Variants in ACVR1 observed in about 807,000 individuals in gnomAD.
ACVR1 encodes the protein activin receptor type-1.
In ACVR1, 38 loss-of-function variants were observed where a neutral mutation model predicts 57.1. That is an observed-to-expected ratio of 0.67 (90% CI 0.51 to 0.87). The LOEUF is 0.87. Among genes scored for constraint, ACVR1 ranks in the 40% least tolerant of loss-of-function variants. The pLI, the probability that ACVR1 is intolerant of heterozygous loss-of-function variation, is 0.00. For synonymous variants in ACVR1, 212 were observed against 228.1 expected, an observed-to-expected ratio of 0.93 and a Z score of 0.63; for missense variants, 463 against 638.2, an observed-to-expected ratio of 0.73 and a Z score of 2.96.
chr2:157,741,014 T>C (rs1684736457), intron 9 of ACVR1, among the ~76,000 whole-genome samples: 2 of 152,172 alleles, frequency 1.3e-5, no homozygotes, highest in Non-Finnish European at 2.9e-5. Context: ...GATCAAGCAA[T>C]AAATCAGTTG....
chr2:157,850,188 G>C (rs1172063621), intron 1 of ACVR1, among the ~76,000 whole-genome samples: 1 of 152,100 alleles, frequency 6.6e-6, no homozygotes, highest in Admixed American at 6.6e-5. Flanking sequence ...TCTGGAGTTT[G>C]AGACTAGCCT....
chr2:157,796,371 G>C (rs1433378718), intron 3 of ACVR1, among the ~76,000 whole-genome samples: 1 of 151,880 alleles, frequency 6.6e-6, no homozygotes, highest in Non-Finnish European at 1.5e-5. Context: ...GGGCAACACG[G>C]CAAAACTCTG....
chr2:157,781,039 T>C lies in ACVR1; in HGVS notation c.68-439A>G, dbSNP rs532690729. ...CTCCTAAATATATGGCAGCTATTAA[T>C]ACTAATTTTTGCTAGCTCTGTACAA... is the stretch of plus-strand genomic sequence containing the variant. On this transcript the variant is annotated intron_variant, in intron 3 of 10. Transcript: ENST00000434821. Among the ~76,000 whole-genome samples the C allele has an allele frequency of 1.1e-4, 17 of 152,328 alleles. No homozygotes were observed. The South Asian group carries it at 3.5e-3, about 32-fold the overall frequency.
At chr2:157,829,331 C>T (rs777489396) in intron 1 of ACVR1, among the ~76,000 whole-genome samples, 1 of 152,212 alleles carries the variant, frequency 6.6e-6, no homozygotes, top group Non-Finnish European at 1.5e-5. Flanking sequence ...AAGCCAGAAA[C>T]CAAGTTTGCC....
At chr2:157,799,939 A>G (rs1687263450) in intron 2 of ACVR1, among the ~76,000 whole-genome samples, 1 of 152,208 alleles carries the variant, frequency 6.6e-6, no homozygotes, top group South Asian at 2.1e-4. Context: ...TTCAAGCCAA[A>G]TTACTATGTT....
chr2:157,746,954 C>T (rs973579528), intron 9 of ACVR1, among the ~76,000 whole-genome samples: 1 of 152,008 alleles, frequency 6.6e-6, no homozygotes, highest in Non-Finnish European at 1.5e-5. Flanking sequence ...TTATTAGTAG[C>T]AAATAAATGT....
intron 9 of ACVR1, among the ~76,000 whole-genome samples, chr2:157,743,275 C>G (rs1684846954): frequency 1.3e-5 from 2 of 152,284 alleles, no homozygotes; most frequent in Non-Finnish European, 1.5e-5. Context: ...CTGTCCCATC[C>G]TGCTACCACA....
intron 3 of ACVR1, among the ~76,000 whole-genome samples, chr2:157,798,727 C>T (rs1312267773): frequency 4.6e-5 from 7 of 151,920 alleles, no homozygotes; most frequent in Non-Finnish European, 1.5e-5. Context: ...GGGGTTTCAC[C>T]ATGTTGGCCA....
chr2:157,771,284 A>C (rs1686061242), intron 6 of ACVR1, among the ~76,000 whole-genome samples: 1 of 152,242 alleles, frequency 6.6e-6, no homozygotes, highest in Admixed American at 6.5e-5. Context: ...TGAAAAGGCT[A>C]CTTGGAGAAT....
intron 1 of ACVR1, among the ~76,000 whole-genome samples, chr2:157,870,372 A>G (rs1690078332): frequency 6.6e-6 from 1 of 152,210 alleles, no homozygotes; most frequent in Admixed American, 6.5e-5. Flanking sequence ...TTAATAGCCA[A>G]TCTTGGCTTT....
At chr2:157,808,662 A>G (rs1295081309) in intron 2 of ACVR1, among the ~76,000 whole-genome samples, 1 of 152,152 alleles carries the variant, frequency 6.6e-6, no homozygotes, top group East Asian at 1.9e-4. Context: ...GACCTCTGAG[A>G]CAGCGTCTGT....
chr2:157,813,423 T>A (rs1574097465), intron 2 of ACVR1, among the ~76,000 whole-genome samples: 1 of 152,234 alleles, frequency 6.6e-6, no homozygotes, highest in East Asian at 1.9e-4. Context: ...CTTTCCTTCT[T>A]CTTGGGTACA....
rs183582057 is a variant in ACVR1 at position 157,865,923 on chromosome 2, G to A, written c.-183+9873C>T. On this transcript the variant is annotated intron_variant, in intron 1 of 10. Transcript: ENST00000434821. Reference sequence around the variant, plus strand: ...ATTTCAAGACCCCCAGTGAATGCCCGAAACCTCAGGTAGTACTGAACTCTA... The same window carrying A: ...ATTTCAAGACCCCCAGTGAATGCCCAAAACCTCAGGTAGTACTGAACTCTA... 2.0e-4 allele frequency among the ~76,000 whole-genome samples: 31 copies of A among 152,102 alleles called. 1 individual carries two copies. Among genetic ancestry groups the A allele is most frequent in the Admixed American group, 8.5e-4 (13 of 15,278 alleles).
At chr2:157,824,289 G>A (rs891126454) in intron 1 of ACVR1, among the ~76,000 whole-genome samples, 6 of 152,018 alleles carry the variant, frequency 3.9e-5, no homozygotes, top group South Asian at 2.1e-4. Flanking sequence ...GGAATATGGC[G>A]AGACCCCATC....
At chr2:157,819,369 A>G (rs557656563) in intron 1 of ACVR1, 5 of 152,232 alleles carry the variant, frequency 3.3e-5, no homozygotes, top group African/African-American at 7.2e-5. Flanking sequence ...AATCCCAGCT[A>G]GTCGGGAGGC....
intron 1 of ACVR1, among the ~76,000 whole-genome samples, chr2:157,868,287 A>T (rs188286049): frequency 1.0e-3 from 157 of 152,050 alleles, no homozygotes; most frequent in African/African-American, 3.5e-3. Context: ...CTTCAAGACC[A>T]GCCTGGCCAA....
chr2:157,768,237 A>T (rs16842026), intron 7 of ACVR1, among the ~76,000 whole-genome samples: 2,684 of 152,086 alleles, frequency 0.018, 67 homozygotes, highest in African/African-American at 0.059. Flanking sequence ...TTTCCCCTCG[A>T]TGCTGCTTCT....
chr2:157,777,269 T>C (rs764955636), intron 5 of ACVR1, among the ~76,000 whole-genome samples: 2 of 152,220 alleles, frequency 1.3e-5, no homozygotes, highest in Non-Finnish European at 1.5e-5. Flanking sequence ...ATAAATACAA[T>C]AGTTTCTAAC....
At position 157,755,412 on chromosome 2, in the gene ACVR1, G is replaced by C. The variant is rs980317105; in HGVS notation, c.1264+5468C>G. Among the ~76,000 whole-genome samples the C allele has an allele frequency of 4.2e-4, 64 of 152,168 alleles. 1 individual carries two copies. The highest frequency in any genetic ancestry group is 1.4e-3 in the African/African-American group (58 of 41,548). On this transcript the variant is annotated intron_variant, in intron 9 of 10. Coordinates refer to ENST00000434821, the MANE Select transcript of ACVR1 (RefSeq NM_001111067.4). ...ATAACTGATAAAAGAACTTACCAAA[G>C]TTTCTGGGTGCAAAATTAATGTACA...
Sources: allele counts gnomAD v4.1 joint callset (sites outside exome capture counted in the v4.1 genomes callset), GRCh38; gene constraint gnomAD v4.1.1; transcripts MANE v1.5; gene names NCBI Gene and HGNC (gene_info 2026-07-23, HGNC 2026-07-21).